Variants in SLCO2B1 observed in about 807,000 individuals in gnomAD.
SLCO2B1 encodes OATP-RP2.
In SLCO2B1, 41 loss-of-function variants were observed where a neutral mutation model predicts 67.3. The observed-to-expected ratio is 0.61, with a 90% CI of 0.47 to 0.79. The LOEUF (loss-of-function observed/expected upper bound fraction) is 0.79. Ranked by LOEUF, SLCO2B1 falls within the 30% of genes least tolerant of loss-of-function variation. The probability of loss-of-function intolerance (pLI) is 0.00; values close to 1 mark genes in which losing one functional copy is unlikely to be tolerated. For missense variants in SLCO2B1, 837 were observed against 920.1 expected, an observed-to-expected ratio of 0.91 and a Z score of 1.17; for synonymous variants, 379 against 381.4, an observed-to-expected ratio of 0.99 and a Z score of 0.07.
rs1373934122 is a variant in SLCO2B1, at chr11:75,206,304, TG to T, written c.*1725del. The T allele has an allele frequency of 2.0e-5, 3 of 152,260 alleles. No homozygotes were observed. The East Asian group carries it at 5.8e-4, about 29-fold the overall frequency. The allele number at this position is 152,260 out of a possible 1,614,324, so 9.4% of individuals were successfully genotyped here. On this transcript the variant is annotated 3_prime_UTR_variant, in exon 14 of 14. Coordinates refer to ENST00000289575, the MANE Select transcript of SLCO2B1 (RefSeq NM_007256.5). The stretch of plus-strand genomic sequence containing the variant: ...TTCTTCATAAACTGCATTAGAGGTT[TG>T]CAACAACCACATCATTTCCATTAAC...
chr11:75,197,643 G>A (rs966714939), intron 10 of SLCO2B1, among the ~76,000 whole-genome samples: 4 of 152,316 alleles, frequency 2.6e-5, no homozygotes, highest in East Asian at 1.9e-4. Context: ...GTTTGATCAC[G>A]CTTGAGGCCA....
rs761344728 is a variant in SLCO2B1 at position 75,193,570 on chromosome 11, G to C, written c.1428G>C (p.Gln476His). ...ACCAGATTGCGGGCATCACACACCA[G>C]ACCAGGTGAGTGTGTGCGTGGGCAC... is the stretch of plus-strand genomic sequence containing the variant. ...SSHQIAGITH[Q>H]TSAHPGLELS... is the part of the protein sequence containing the mutation. The change falls in exon 9 of 14, where the codon CAG becomes CAC. Residue 476 changes from glutamine to histidine, a missense_variant. By Grantham distance (24) the Gln-to-His change is conservative. Transcript: ENST00000289575. This position sits in a 1 kb window ranked among gnomAD's most constrained non-coding sequence, Gnocchi z 4.2. 1 of 1,548,958 alleles carries C rather than the reference G, an allele frequency of 6.5e-7. No individual in the cohort carries two copies.
intron 3 of SLCO2B1, among the ~76,000 whole-genome samples, chr11:75,165,216 G>C (rs758780408): frequency 2.6e-5 from 4 of 152,114 alleles, no homozygotes; most frequent in Non-Finnish European, 5.9e-5. Flanking sequence ...TGGATCACTT[G>C]AGGTCAGGAG....
At chr11:75,180,793 G>C (rs1296789741) in intron 7 of SLCO2B1, among the ~76,000 whole-genome samples, 1 of 152,210 alleles carries the variant, frequency 6.6e-6, no homozygotes, top group Non-Finnish European at 1.5e-5. Flanking sequence ...CACCTGTGAA[G>C]TAGATATAGT....
intron 4 of SLCO2B1, among the ~76,000 whole-genome samples, chr11:75,168,855 GC>G (rs1300397655): frequency 6.6e-6 from 1 of 152,000 alleles, no homozygotes; most frequent in Non-Finnish European, 1.5e-5. Context: ...TGACCACCCC[GC>G]CCCACCCAGG....
intron 1 of SLCO2B1, among the ~76,000 whole-genome samples, chr11:75,152,114 G>C (rs1169627060): frequency 6.6e-6 from 1 of 152,274 alleles, no homozygotes; most frequent in African/African-American, 2.4e-5. Context: ...TTGAAGCTCT[G>C]CCTGCAGGGT....
chr11:75,203,004 G>A (rs767212026), intron 12 of SLCO2B1, 39 bp downstream of exon 12: 2 of 1,557,078 alleles, frequency 1.3e-6, no homozygotes, highest in Non-Finnish European at 8.9e-7. Flanking sequence ...GTGGTGATGG[G>A]GTCCAGATGC....
At chr11:75,202,621 T>G in intron 11 of SLCO2B1, 1 of 444,016 alleles carries the variant, frequency 2.3e-6, no homozygotes, top group South Asian at 3.8e-5. Flanking sequence ...GACCAGTGGG[T>G]GGAGGAAGAG....
intron 3 of SLCO2B1, among the ~76,000 whole-genome samples, chr11:75,164,540 A>G (rs1196367249): frequency 1.3e-5 from 2 of 151,992 alleles, no homozygotes; most frequent in Non-Finnish European, 2.9e-5. Context: ...TGTCCTTAGA[A>G]CTGCCTGGGG....
In SLCO2B1 at chr11:75,172,478, ACTT is replaced by A; in HGVS notation, c.889_891del (p.Phe297del). ...GCAGTGGCCCTGGCTGCCATCCCCTACTTCTTCTTCCCCAAGGAAATGCCCAAG... is the reference window on the plus strand; with the variant it reads ...GCAGTGGCCCTGGCTGCCATCCCCTACTTCTTCCCCAAGGAAATGCCCAAG... On this transcript the variant is annotated inframe_deletion, in exon 7 of 14. Transcript: ENST00000289575. 1 of 1,614,010 alleles carries A rather than the reference ACTT, an allele frequency of 6.2e-7. No individual in the cohort carries two copies. Among genetic ancestry groups the A allele is most frequent in the Non-Finnish European group, 8.5e-7 (1 of 1,179,978 alleles).
chr11:75,203,416 G>A lies in SLCO2B1; in HGVS notation c.1938G>A (p.Leu646=). The change falls in exon 13 of 14, where the codon CTG becomes CTA. Residue 646 remains leucine (L), a synonymous_variant. Transcript: ENST00000289575. ...TCTGTCGCTACTACAATAATGACCT[G>A]CTCCGAAACCGGTGAGACCTGGTTT... ...RAVCRYYNND[L]LRNRFIGLQF... 1 of 1,614,178 alleles carries A rather than the reference G, an allele frequency of 6.2e-7. No homozygotes were observed. The highest frequency in any genetic ancestry group is 1.1e-5 in the South Asian group (1 of 91,088).
At chr11:75,175,968 T>C (rs1004598188) in intron 7 of SLCO2B1, among the ~76,000 whole-genome samples, 9 of 152,144 alleles carry the variant, frequency 5.9e-5, no homozygotes, top group Non-Finnish European at 1.5e-5. Flanking sequence ...CCCTACTTTC[T>C]TGCCTTTGGC....
chr11:75,180,879 G>A (rs112110150), intron 7 of SLCO2B1, among the ~76,000 whole-genome samples: 9 of 152,196 alleles, frequency 5.9e-5, no homozygotes, highest in Non-Finnish European at 1.2e-4. Context: ...AGTAAATGGT[G>A]AAACCAATCA....
Position 75,196,602 on chromosome 11 carries a change from A to T in SLCO2B1, c.1522A>T (p.Thr508Ser). The T allele has an allele frequency of 3.1e-6, 5 of 1,613,764 alleles. No homozygotes were observed. Among genetic ancestry groups the T allele is most frequent in the Non-Finnish European group, 4.2e-6 (5 of 1,179,948 alleles). Residue 508 changes from threonine to serine, a missense_variant, in exon 10 of 14, where the codon ACT (threonine) becomes TCT (serine). Thr to Ser is a moderately conservative substitution (Grantham distance 58, BLOSUM62 1). Coordinates refer to ENST00000289575, the MANE Select transcript of SLCO2B1 (RefSeq NM_007256.5). ...CTTTAACCCTGTCTGCGACCCCAGC[A>T]CTCGTGTGGAATACATCACACCCTG... ...DGFNPVCDPS[T>S]RVEYITPCHA...
chr11:75,205,702 T>C lies in SLCO2B1; in HGVS notation c.*1122T>C, dbSNP rs1945264113. ...AGCAGTAAAGCTCAGCTCTGTGTAA[T>C]GAGTGATGCTATGGCTTGCTCGTGT... On this transcript the variant is annotated 3_prime_UTR_variant, in exon 14 of 14. Coordinates refer to ENST00000289575, the MANE Select transcript of SLCO2B1 (RefSeq NM_007256.5). The C allele has an allele frequency of 6.6e-6, 1 of 152,238 alleles. No homozygotes were observed. The highest frequency in any genetic ancestry group is 6.5e-5 in the Admixed American group (1 of 15,286). 9.4% of individuals were successfully genotyped at this position (152,238 alleles called of 1,614,324 possible).
At chr11:75,202,676 C>A in intron 11 of SLCO2B1, 1 of 587,168 alleles carries the variant, frequency 1.7e-6, no homozygotes, top group Non-Finnish European at 3.0e-6. Flanking sequence ...AGCACAGGAC[C>A]CTGATGGTCA....
rs189957123 is a variant in SLCO2B1, at chr11:75,169,080, T to C, written c.449-93T>C. On this transcript the variant is annotated intron_variant, in intron 4 of 13. Transcript: ENST00000289575. ...TTTGTTGTGGGGCTCAAATTATTTTTATACACAGCACTTAGAACAGTACCT... is the reference window on the plus strand; with the variant it reads ...TTTGTTGTGGGGCTCAAATTATTTTCATACACAGCACTTAGAACAGTACCT... 63 of 1,038,178 alleles carry C rather than the reference T, an allele frequency of 6.1e-5. 1 individual carries two copies. In the Admixed American group the frequency reaches 1.7e-3, roughly 28 times the overall value. The allele number at this position is 1,038,178 out of a possible 1,614,324, so 64.3% of individuals were successfully genotyped here. A position where few individuals can be genotyped will look rare whatever the true frequency, so the allele number is the denominator to read the frequency against.
chr11:75,190,131 C>G (rs117885428), intron 8 of SLCO2B1, among the ~76,000 whole-genome samples: 4 of 152,170 alleles, frequency 2.6e-5, no homozygotes, highest in African/African-American at 9.7e-5. Context: ...ATTAGGTCCC[C>G]GGCACTCTGC....
In SLCO2B1 at chr11:75,204,449, G is replaced by A. The variant is rs745594123; in HGVS notation, c.1999G>A (p.Ala667Thr). The change falls in exon 14 of 14, where the codon GCC becomes ACC. Residue 667 changes from alanine to threonine, a missense_variant. Ala to Thr is a moderately conservative substitution (Grantham distance 58). Transcript: ENST00000289575. ...FFKTGSVICFALVLAVLRQQD... is the reference protein window; with the variant it reads ...FFKTGSVICFTLVLAVLRQQD... ...CAAAACAGGTTCTGTGATCTGCTTC[G>A]CCTTAGTTTTGGCTGTCCTGAGGCA... The A allele has an allele frequency of 1.1e-5, 18 of 1,612,644 alleles. No individual in the cohort carries two copies. Among genetic ancestry groups the A allele is most frequent in the Admixed American group, 5.0e-5 (3 of 59,820 alleles).
Sources: gnomAD v4.1 joint callset for allele counts (sites outside exome capture counted in the v4.1 genomes callset) on GRCh38, gnomAD v4.1.1 for gene constraint, Gnocchi (gnomAD v3.1) non-coding constraint, MANE v1.5 for transcripts, NCBI Gene and HGNC (gene_info 2026-07-23, HGNC 2026-07-21) for gene names.